Variants in TNNI3K observed in about 807,000 individuals in gnomAD.
TNNI3K encodes TNNI3 interacting kinase.
Under a neutral mutation model 114.5 loss-of-function variants are expected in TNNI3K, and 140 were observed. The observed-to-expected ratio is 1.22, with a 90% confidence interval of 1.07 to 1.41. The LOEUF is 1.41. Ranked by LOEUF, TNNI3K falls within the 40% of genes most tolerant of loss-of-function variation. TNNI3K has a pLI of 0.00. For missense variants in TNNI3K, 1,125 were observed against 1,007.6 expected (o/e 1.12, Z -1.58); for synonymous variants, 347 against 347.5 (o/e 1.00, Z 0.02).
intron 5 of TNNI3K, among the ~76,000 whole-genome samples, chr1:74,272,769 C>T (rs950925166): frequency 7.2e-5 from 11 of 151,980 alleles, no homozygotes; most frequent in Non-Finnish European, 1.3e-4. Flanking sequence ...TTCACAAATC[C>T]TCATCGAATA....
chr1:74,391,965 T>A lies in TNNI3K; in HGVS notation c.1772+21573T>A, dbSNP rs952851858. Among the ~76,000 whole-genome samples, 117 of 136,342 alleles carry A rather than the reference T, an allele frequency of 8.6e-4. 1 individual carries two copies. The highest frequency in any genetic ancestry group is 2.5e-3 in the African/African-American group (89 of 36,118). 89.4% of individuals were successfully genotyped at this position (136,342 alleles called of 152,430 possible). ...GGATGGTACAGCTTATTATTTTTTT[T>A]TTTTTTTTTTTTTTTTTTGAGACGG... On this transcript the variant is annotated intron_variant, in intron 17 of 24. Coordinates refer to ENST00000326637, the MANE Select transcript of TNNI3K (RefSeq NM_015978.3).
At position 74,464,066 on chromosome 1, in the gene TNNI3K, T is replaced by C. The variant is rs45614140; in HGVS notation, c.2121+516T>C. Among the ~76,000 whole-genome samples, 142 of 152,298 alleles carry C rather than the reference T, an allele frequency of 9.3e-4. 1 individual carries two copies. The highest frequency in any genetic ancestry group is 3.3e-3 in the African/African-American group (136 of 41,560). ...CGAATTCAAATGGAGTGATCAATGT[T>C]ATGGAAGGGATATTTAAACAGTAAA... On this transcript the variant is annotated intron_variant, in intron 21 of 24. Transcript: ENST00000326637.
intron 21 of TNNI3K, chr1:74,464,873 T>C (rs1167790239): frequency 5.3e-6 from 7 of 1,331,458 alleles, no homozygotes; most frequent in Non-Finnish European, 6.7e-6. Flanking sequence ...AACACTAACA[T>C]CTAAAGCTGG....
At chr1:74,456,719 G>A (rs1360123007) in intron 20 of TNNI3K, among the ~76,000 whole-genome samples, 2 of 152,022 alleles carry the variant, frequency 1.3e-5, no homozygotes, top group South Asian at 2.1e-4. Context: ...CTGTGTCCTG[G>A]GATTCCTTAA....
At chr1:74,312,133 A>T (rs910474567) in intron 5 of TNNI3K, among the ~76,000 whole-genome samples, 20 of 152,168 alleles carry the variant, frequency 1.3e-4, no homozygotes, top group African/African-American at 1.2e-4. Flanking sequence ...TTCATTTTTT[A>T]AAAAATTATA....
At chr1:74,359,873 C>T (rs1220585643) in intron 11 of TNNI3K, among the ~76,000 whole-genome samples, 4 of 151,850 alleles carry the variant, frequency 2.6e-5, no homozygotes, top group Admixed American at 6.6e-5. Flanking sequence ...TTGAACTTAA[C>T]ATTTTTTTTT....
intron 20 of TNNI3K, 77 bp from the exon 21 acceptor site, chr1:74,463,364 T>TG: frequency 3.4e-6 from 5 of 1,478,956 alleles, no homozygotes; most frequent in African/African-American, 1.4e-5. Flanking sequence ...TAATGCCTTT[T>TG]TGTGTGTGTG....
intron 17 of TNNI3K, among the ~76,000 whole-genome samples, chr1:74,383,028 G>A (rs1663280182): frequency 6.6e-6 from 1 of 151,896 alleles, no homozygotes; most frequent in Non-Finnish European, 1.5e-5. Flanking sequence ...TTTTTTAAAG[G>A]AAAGGATTGA....
At chr1:74,445,759 C>T (rs527669411) in intron 20 of TNNI3K, among the ~76,000 whole-genome samples, 65 of 151,696 alleles carry the variant, frequency 4.3e-4, no homozygotes, top group South Asian at 1.9e-3. Flanking sequence ...TACAGGCGCC[C>T]GCCACTACGC....
intron 5 of TNNI3K, among the ~76,000 whole-genome samples, chr1:74,314,730 G>A (rs1271424039): frequency 6.6e-6 from 1 of 152,102 alleles, no homozygotes; most frequent in Non-Finnish European, 1.5e-5. Flanking sequence ...AATGCTGATA[G>A]TGAAAAAATA....
chr1:74,265,374 A>T (rs777818001), intron 4 of TNNI3K, among the ~76,000 whole-genome samples: 1 of 152,002 alleles, frequency 6.6e-6, no homozygotes, highest in Non-Finnish European at 1.5e-5. Flanking sequence ...CACACGGGCT[A>T]GAAATGTCGA....
rs1646388103 is a variant in TNNI3K at position 74,518,873 on chromosome 1, C to CT, written c.2352-21361_2352-21360insT. The stretch of plus-strand genomic sequence containing the variant: ...TTTTATTTTATTTTATTTTTTTTCC[C>CT]CTTTTTTTTTTTTTTTTTTTTATTA... On this transcript the variant is annotated intron_variant, in intron 23 of 24. Coordinates refer to ENST00000326637, the MANE Select transcript of TNNI3K (RefSeq NM_015978.3). Among the ~76,000 whole-genome samples, 192 of 100,310 alleles carry CT rather than the reference C, an allele frequency of 1.9e-3. 3 individuals are homozygous for CT. The highest frequency in any genetic ancestry group is 6.7e-3 in the Middle Eastern group (1 of 150). The allele number at this position is 100,310 out of a possible 152,430, so 65.8% of individuals were successfully genotyped here.
At chr1:74,391,311 T>C (rs7523296) in intron 17 of TNNI3K, among the ~76,000 whole-genome samples, 10,108 of 152,222 alleles carry the variant, frequency 0.066, 447 homozygotes, top group African/African-American at 0.12. Context: ...AGAGAGCAGT[T>C]GGGAATCTAT....
At chr1:74,528,796 G>A (rs966621157) in intron 23 of TNNI3K, among the ~76,000 whole-genome samples, 4 of 152,170 alleles carry the variant, frequency 2.6e-5, no homozygotes, top group Non-Finnish European at 5.9e-5. Context: ...TTCAACTGCA[G>A]GAACACACCT....
chr1:74,375,101 T>C (rs1032307738), intron 17 of TNNI3K: 1 of 153,890 alleles, frequency 6.5e-6, no homozygotes, highest in Non-Finnish European at 1.4e-5. Context: ...ACATGAAATA[T>C]GTATATGAAA....
chr1:74,321,367 G>A (rs560830641), intron 5 of TNNI3K, among the ~76,000 whole-genome samples: 8 of 151,974 alleles, frequency 5.3e-5, no homozygotes, highest in Admixed American at 1.3e-4. Context: ...CTTTTCTTTC[G>A]CTTTCTGGCT....
At chr1:74,370,643 T>C (rs754403389) in intron 17 of TNNI3K, 22 of 282,038 alleles carry the variant, frequency 7.8e-5, no homozygotes, top group Non-Finnish European at 1.3e-4. Flanking sequence ...ATCTGTAAGA[T>C]GCACCAGCTA....
At chr1:74,509,106 T>C (rs1670052938) in intron 23 of TNNI3K, among the ~76,000 whole-genome samples, 1 of 152,198 alleles carries the variant, frequency 6.6e-6, no homozygotes, top group African/African-American at 2.4e-5. Context: ...TATCACTTAT[T>C]CTCTTTGAGA....
chr1:74,301,295 G>A (rs1658318402), intron 5 of TNNI3K, among the ~76,000 whole-genome samples: 1 of 152,048 alleles, frequency 6.6e-6, no homozygotes, highest in African/African-American at 2.4e-5. Context: ...AGCTACTAGG[G>A]AGGCTGAGGC....
Sources: allele counts gnomAD v4.1 joint callset (sites outside exome capture counted in the v4.1 genomes callset), GRCh38; gene constraint gnomAD v4.1.1; transcripts MANE v1.5; gene names NCBI Gene and HGNC (gene_info 2026-07-23, HGNC 2026-07-21).